NPEPL1: variants seen among roughly 807,000 people sequenced by gnomAD.
NPEPL1 encodes the protein aminopeptidase like 1.
Under a neutral mutation model 52.4 loss-of-function variants are expected in NPEPL1, and 45 were observed. The observed-to-expected ratio is 0.86, with a 90% CI of 0.68 to 1.10. NPEPL1 has a LOEUF of 1.10. Ranked by LOEUF, NPEPL1 falls within the 50% of genes least tolerant of loss-of-function variation. The pLI is 0.00. For synonymous variants in NPEPL1, 360 were observed against 314.7 expected (o/e 1.14, Z -1.52); for missense variants, 696 against 710.9 (o/e 0.98, Z 0.24).
upstream of NPEPL1, chr20:58,689,203 AC>A (rs1477991699): frequency 6.6e-6 from 1 of 152,156 alleles, no homozygotes; most frequent in African/African-American, 2.4e-5. Context: ...GTCAAGTACA[AC>A]CTGCAAGGTC....
upstream of NPEPL1, chr20:58,691,447 A>C: frequency 2.9e-6 from 2 of 686,836 alleles, no homozygotes; most frequent in Non-Finnish European, 5.2e-6. Flanking sequence ...AAAACAACAA[A>C]AAGTCAAAAA....
At chr20:58,702,536 G>GTT (rs201942484) in intron 6 of NPEPL1, among the ~76,000 whole-genome samples, 4 of 151,188 alleles carry the variant, frequency 2.6e-5, no homozygotes, top group South Asian at 2.1e-4. Context: ...AGGGTTTTTT[G>GTT]TTTTTTTTTA....
chr20:58,698,256 T>A (rs1480505956), intron 3 of NPEPL1, among the ~76,000 whole-genome samples: 2 of 151,822 alleles, frequency 1.3e-5, no homozygotes, highest in Non-Finnish European at 2.9e-5. Flanking sequence ...GACTGGGATC[T>A]TGGTGGGAGG....
In NPEPL1 at chr20:58,712,476, C is replaced by T. The variant is rs372000450; in HGVS notation, c.901-3C>T. Reference sequence around the variant, plus strand: ...TGGAGCCTCTGCCCACTTCTCCCTCCAGGGTTTCAAAGACAACCTCCACGC... The same window carrying T: ...TGGAGCCTCTGCCCACTTCTCCCTCTAGGGTTTCAAAGACAACCTCCACGC... On this transcript the variant is annotated splice_region_variant and splice_polypyrimidine_tract_variant and intron_variant, in intron 7 of 11. Coordinates refer to ENST00000356091, the MANE Select transcript of NPEPL1 (RefSeq NM_024663.4). The T allele has an allele frequency of 2.8e-5, 45 of 1,609,866 alleles. No individual in the cohort carries two copies. The highest frequency in any genetic ancestry group is 2.3e-4 in the African/African-American group (17 of 74,862).
chr20:58,703,950 G>T, intron 6 of NPEPL1: 1 of 985,382 alleles, frequency 1.0e-6, no homozygotes, highest in Non-Finnish European at 1.2e-6. Context: ...AGAGCTGGGT[G>T]TTCTGGCACC....
Position 58,701,131 on chromosome 20 carries a change from C to T in NPEPL1, c.795C>T (p.Asp265=), listed in dbSNP as rs2084608630. 5.1e-6 allele frequency: 8 copies of T among 1,579,958 alleles called. No homozygotes were observed. In the East Asian group the frequency reaches 1.9e-4, roughly 37 times the overall value. The change falls in exon 6 of 12, where the codon GAC becomes GAT. Residue 265 remains aspartate, a synonymous_variant. Transcript: ENST00000356091. ...IAWVGKGIVY[D]TGGLSIKGKT... ...GGGTGGGCAAAGGCATCGTCTATGA[C>T]ACTGGAGGCCTCAGCATCAAAGGGA...
intron 6 of NPEPL1, among the ~76,000 whole-genome samples, chr20:58,705,929 TTTCACTC>T (rs1258275316): frequency 2.0e-5 from 3 of 152,202 alleles, no homozygotes; most frequent in Non-Finnish European, 1.5e-5. Context: ...GATGGGTCAT[TTTCACTC>T]AATTATAAAA....
At chr20:58,704,355 G>T (rs576001184) in intron 6 of NPEPL1, 2 of 985,370 alleles carry the variant, frequency 2.0e-6, no homozygotes, top group South Asian at 4.7e-5. Flanking sequence ...GGACTAGCAG[G>T]CCTCAAATGC....
upstream of NPEPL1, chr20:58,691,223 A>T (rs1171429502): frequency 1.4e-6 from 1 of 702,472 alleles, no homozygotes; most frequent in South Asian, 1.5e-5. Flanking sequence ...ATCTTCATAC[A>T]CACTGTTAGT....
upstream of NPEPL1, among the ~76,000 whole-genome samples, chr20:58,689,809 G>A (rs142331192): frequency 1.4e-3 from 194 of 141,622 alleles, 1 homozygote; most frequent in African/African-American, 4.7e-3. Context: ...ACACATATGC[G>A]TGCACATGCA....
At chr20:58,708,806 G>A (rs761818131) in intron 7 of NPEPL1, among the ~76,000 whole-genome samples, 1 of 152,114 alleles carries the variant, frequency 6.6e-6, no homozygotes, top group Non-Finnish European at 1.5e-5. Context: ...CCAGCTGTGC[G>A]GTGCTCGCTG....
chr20:58,693,242 G>A, intron 1 of NPEPL1, 192 bp downstream of exon 1: 1 of 254,820 alleles, frequency 3.9e-6, no homozygotes, highest in South Asian at 1.5e-4. Context: ...AGGCCCCGTC[G>A]CCGGTGCGGC....
chr20:58,692,675 C>A, upstream of NPEPL1: 1 of 352,830 alleles, frequency 2.8e-6, no homozygotes, highest in Non-Finnish European at 3.9e-6. The surrounding 1 kb of genome is among the most constrained non-coding windows in gnomAD (Gnocchi z 5.7). Context: ...CGGGCCTGCC[C>A]GGCCGGGCCT....
intron 6 of NPEPL1, among the ~76,000 whole-genome samples, chr20:58,702,925 G>A (rs892792321): frequency 2.0e-5 from 3 of 152,244 alleles, no homozygotes; most frequent in African/African-American, 7.2e-5. Context: ...GCTTTCAGAT[G>A]TCTGCAGAAC....
At chr20:58,704,433 CT>C in intron 6 of NPEPL1, 2 of 888,208 alleles carry the variant, frequency 2.3e-6, no homozygotes, top group Non-Finnish European at 1.3e-6. Context: ...ATAACAATGT[CT>C]ATTGATATTT....
chr20:58,697,066 G>A (rs1436926269), intron 3 of NPEPL1, among the ~76,000 whole-genome samples: 1 of 152,208 alleles, frequency 6.6e-6, no homozygotes, highest in East Asian at 1.9e-4. Context: ...ATCCTCTTCT[G>A]TAGCAGGGAC....
intron 7 of NPEPL1, chr20:58,710,706 C>A (rs1168281978): frequency 6.6e-6 from 1 of 152,502 alleles, no homozygotes; most frequent in Non-Finnish European, 1.5e-5. Flanking sequence ...TGAACATTGA[C>A]AGCTCCAGGG....
In NPEPL1 at chr20:58,701,169, G is replaced by T; in HGVS notation, c.822+11G>T. On this transcript the variant is annotated intron_variant, in intron 6 of 11. Transcript: ENST00000356091. The stretch of plus-strand genomic sequence containing the variant: ...AGCATCAAAGGGAAGGTGAGGTGCG[G>T]GCTGGCTCTCAGGGTGCCCTGGGGG... 6.5e-7 allele frequency: 1 copy of T among 1,535,902 alleles called. No homozygotes were observed. The highest frequency in any genetic ancestry group is 2.6e-5 in the East Asian group (1 of 38,910).
intron 7 of NPEPL1, among the ~76,000 whole-genome samples, chr20:58,712,099 C>CTGTGTGTGTGTATGTGTG (rs1491240612): frequency 1.3e-4 from 13 of 102,552 alleles, no homozygotes; most frequent in African/African-American, 3.6e-4. Flanking sequence ...CTTCCTGCCC[C>CTGTGTGTGTGTATGTGTG]TCTGTGTGTG....
Sources: allele counts gnomAD v4.1 joint callset (sites outside exome capture counted in the v4.1 genomes callset), GRCh38; gene constraint gnomAD v4.1.1; non-coding constraint Gnocchi (gnomAD v3.1); transcripts MANE v1.5; gene names NCBI Gene and HGNC (gene_info 2026-07-23, HGNC 2026-07-21).